Variants in WDR3 observed in about 807,000 individuals in gnomAD.
The protein encoded by WDR3 is WD repeat-containing protein 3.
WDR3 carries 81 observed loss-of-function variants against 123.7 expected under a neutral mutation model. That is an observed-to-expected ratio of 0.65 (90% CI 0.55 to 0.79). The LOEUF (loss-of-function observed/expected upper bound fraction) is 0.79, where lower values mean the gene tolerates loss of function less well. Among genes scored for constraint, WDR3 ranks in the 30% least tolerant of loss-of-function variants. The pLI, the probability that WDR3 is intolerant of heterozygous loss-of-function variation, is 0.00. For missense variants in WDR3, 1,027 were observed against 1,123.2 expected (o/e 0.91, Z 1.22); for synonymous variants, 390 against 388.8 (o/e 1.00, Z -0.04).
rs770822599 is a variant in WDR3, at chr1:117,950,150, G to A, written c.1746+20G>A. ...TTAAAGGTACAGTGGTTATGCCTGC[G>A]GATATTTTCCCTTTCTGACTGACTG... is the stretch of plus-strand genomic sequence containing the variant. On this transcript the variant is annotated intron_variant, in intron 15 of 26. Coordinates refer to ENST00000349139, the MANE Select transcript of WDR3 (RefSeq NM_006784.3). The A allele has an allele frequency of 3.4e-5, 55 of 1,611,070 alleles. No homozygotes were observed. The highest frequency in any genetic ancestry group is 2.2e-4 in the Admixed American group (13 of 59,664).
chr1:117,953,964 G>T (rs1446561016), intron 21 of WDR3, 43 bp from the exon 22 acceptor site: 1 of 1,514,750 alleles, frequency 6.6e-7, no homozygotes, highest in Non-Finnish European at 9.0e-7. Flanking sequence ...CTGGGATGAT[G>T]GAGTATGTTG....
chr1:117,944,290 C>T (rs1368829038), intron 11 of WDR3, among the ~76,000 whole-genome samples: 1 of 152,170 alleles, frequency 6.6e-6, no homozygotes, highest in Non-Finnish European at 1.5e-5. Context: ...CTTTGACTTT[C>T]ATTATTTCCC....
At position 117,949,768 on chromosome 1, in the gene WDR3, T is replaced by C. The variant is rs1300553682; in HGVS notation, c.1542T>C (p.Gly514=). 1 of 1,613,728 alleles carries C rather than the reference T, an allele frequency of 6.2e-7. No individual in the cohort carries two copies. Among genetic ancestry groups the C allele is most frequent in the Non-Finnish European group, 8.5e-7 (1 of 1,179,764 alleles). ...ATTTTCAGCGTGGCTTTGTGACAGGTGGTGCAGATAAATCTGTCAAATTCT... is the reference window on the plus strand; with the variant it reads ...ATTTTCAGCGTGGCTTTGTGACAGGCGGTGCAGATAAATCTGTCAAATTCT... ...LSPDQRGFVT[G]GADKSVKFWD... Residue 514 remains glycine, a synonymous_variant, in exon 14 of 27, where the codon GGT becomes GGC. Transcript: ENST00000349139.
intron 22 of WDR3, 38 bp from the exon 23 acceptor site, chr1:117,954,540 TCA>T: frequency 1.3e-6 from 2 of 1,597,274 alleles, no homozygotes; most frequent in South Asian, 2.2e-5. Flanking sequence ...TACCTAAGTC[TCA>T]GTTTTTTTAA....
Position 117,938,492 on chromosome 1 carries a change from C to T in WDR3, c.513C>T (p.Thr171=), listed in dbSNP as rs377447598. Residue 171 remains threonine, a synonymous_variant, in exon 5 of 27, where the codon ACC becomes ACT. Coordinates refer to ENST00000349139, the MANE Select transcript of WDR3 (RefSeq NM_006784.3). ...TTTCTTCTTTTAGTGGGAAAGATAC[C>T]ATGGTGAAATGGTGGGACCTTGATA... The part of the protein sequence containing the change: ...KNLLVTSGKD[T]MVKWWDLDTQ... 7 of 1,612,564 alleles carry T rather than the reference C, an allele frequency of 4.3e-6. No individual in the cohort carries two copies. The highest frequency in any genetic ancestry group is 5.9e-6 in the Non-Finnish European group (7 of 1,179,148).
At chr1:117,948,591 G>T (rs1651493868) in intron 13 of WDR3, 85 bp downstream of exon 13, 1 of 806,666 alleles carries the variant, frequency 1.2e-6, no homozygotes, top group Non-Finnish European at 1.8e-6. Flanking sequence ...GAAAGCCTGA[G>T]GTTTTTTTTT....
At position 117,952,597 on chromosome 1, in the gene WDR3, G is replaced by C; in HGVS notation, c.2086G>C (p.Asp696His). ...SGDYVVSSSH[D>H]KSLRLWERTR... Reference sequence around the variant, plus strand: ...AGACTATGTTGTATCATCGTCCCATGACAAATCTCTGAGACTTTGGGAGAG... The same window carrying C: ...AGACTATGTTGTATCATCGTCCCATCACAAATCTCTGAGACTTTGGGAGAG... Residue 696 changes from aspartate (D) to histidine (H), a missense_variant, in exon 19 of 27, where the codon GAC (aspartate) becomes CAC (histidine). Coordinates refer to ENST00000349139, the MANE Select transcript of WDR3 (RefSeq NM_006784.3). The C allele has an allele frequency of 6.2e-7, 1 of 1,613,624 alleles. No individual in the cohort carries two copies. The highest frequency in any genetic ancestry group is 8.5e-7 in the Non-Finnish European group (1 of 1,179,660).
At chr1:117,947,098 C>G (rs1651436933) in intron 12 of WDR3, among the ~76,000 whole-genome samples, 1 of 152,092 alleles carries the variant, frequency 6.6e-6, no homozygotes, top group South Asian at 2.1e-4. Context: ...AGCTATGTGA[C>G]CTTAACCCTG....
rs1651207914 is a variant in WDR3, at chr1:117,942,532, C to T, written c.1085C>T (p.Ser362Phe). The stretch of plus-strand genomic sequence containing the variant: ...CAGCGGGTGACTAATATAAAAACTT[C>T]TGCCAAAATCAAGTGAGTAAAAATA... Reference protein sequence around the residue: ...EIQRVTNIKTSAKIKSFDLIH... With the variant: ...EIQRVTNIKTFAKIKSFDLIH... The change falls in exon 10 of 27, where the codon TCT becomes TTT. Residue 362 changes from serine (S) to phenylalanine (F), a missense_variant. Ser to Phe is a radical substitution (Grantham distance 155). Transcript: ENST00000349139. The T allele has an allele frequency of 6.2e-7, 1 of 1,613,408 alleles. No individual in the cohort carries two copies. The highest frequency in any genetic ancestry group is 8.5e-7 in the Non-Finnish European group (1 of 1,179,640).
At chr1:117,951,877 T>G in intron 16 of WDR3, 99 bp from the exon 17 acceptor site, 2 of 1,147,754 alleles carry the variant, frequency 1.7e-6, no homozygotes, top group Non-Finnish European at 2.5e-6. Flanking sequence ...GGCTTCATTT[T>G]AATGTGTTTG....
chr1:117,959,597 G>A lies in WDR3; in HGVS notation c.*150G>A. 1.2e-6 allele frequency: 1 copy of A among 804,494 alleles called. No individual in the cohort carries two copies. The highest frequency in any genetic ancestry group is 1.8e-6 in the Non-Finnish European group (1 of 558,318). The allele number at this position is 804,494 out of a possible 1,614,324, so 49.8% of individuals were successfully genotyped here. ...CAGGATGTGGTTTCCAGCTTTGCCT[G>A]AGGGAATTCCAACATGAGATTATGG... On this transcript the variant is annotated 3_prime_UTR_variant, in exon 27 of 27. Coordinates refer to ENST00000349139, the MANE Select transcript of WDR3 (RefSeq NM_006784.3).
chr1:117,961,705 AAC>A lies in WDR3; in HGVS notation c.*2262_*2263del, dbSNP rs1256935477. On this transcript the variant is annotated 3_prime_UTR_variant, in exon 27 of 27. Transcript: ENST00000349139. ...CACAAGTCTTAATGTTCTTGAGCATAACACAATCACTGAAGTGAGTAAGGGAT... is the reference window on the plus strand; with the variant it reads ...CACAAGTCTTAATGTTCTTGAGCATAACAATCACTGAAGTGAGTAAGGGAT... 2.0e-5 allele frequency: 3 copies of A among 152,170 alleles called. No homozygotes were observed. Among genetic ancestry groups the A allele is most frequent in the African/African-American group, 7.2e-5 (3 of 41,430 alleles). 9.4% of individuals were successfully genotyped at this position (152,170 alleles called of 1,614,324 possible).
chr1:117,939,347 C>T (rs1651060545), intron 5 of WDR3, 130 bp from the exon 6 acceptor site: 15 of 864,306 alleles, frequency 1.7e-5, no homozygotes, highest in South Asian at 1.3e-4. Context: ...AAAGGGTTGT[C>T]GATATGCCTT....
intron 11 of WDR3, among the ~76,000 whole-genome samples, chr1:117,945,097 T>G (rs112258771): frequency 8.5e-5 from 13 of 152,314 alleles, no homozygotes; most frequent in African/African-American, 3.1e-4. Context: ...CCACCTGCAC[T>G]GCCACTACCC....
Position 117,941,773 on chromosome 1 carries a change from G to C in WDR3, c.915G>C (p.Leu305Phe). Residue 305 changes from leucine to phenylalanine, a missense_variant, in exon 9 of 27, where the codon TTG becomes TTC. Leu to Phe is a conservative substitution (Grantham distance 22). Coordinates refer to ENST00000349139, the MANE Select transcript of WDR3 (RefSeq NM_006784.3). ...ACHGTDSVLE[L>F]FCILSKKEIQ... ...AGGGAACTGACTCTGTGCTAGAATT[G>C]TTTTGTATCCTTTCCAAAAAGGAAA... is the stretch of plus-strand genomic sequence containing the variant. 1 of 1,611,384 alleles carries C rather than the reference G, an allele frequency of 6.2e-7. No homozygotes were observed. The highest frequency in any genetic ancestry group is 1.1e-5 in the South Asian group (1 of 90,332).
Position 117,939,377 on chromosome 1 carries a change from T to TAA in WDR3, c.580-99_580-98insAA, listed in dbSNP as rs113298843. On this transcript the variant is annotated intron_variant, in intron 5 of 26. Coordinates refer to ENST00000349139, the MANE Select transcript of WDR3 (RefSeq NM_006784.3). ...TGCCTTTTCTTTGCCTTTAAATTGCTAGACATTTTACTACGGTGTAACAGA... is the reference window on the plus strand; with the variant it reads ...TGCCTTTTCTTTGCCTTTAAATTGCTAAAGACATTTTACTACGGTGTAACAGA... 4.9e-5 allele frequency: 61 copies of TAA among 1,240,876 alleles called. No individual in the cohort carries two copies. The African/African-American group carries it at 5.2e-4, about 11-fold the overall frequency. 76.9% of individuals were successfully genotyped at this position (1,240,876 alleles called of 1,614,324 possible).
In WDR3 at chr1:117,951,927, T is replaced by A. The variant is rs1314685099; in HGVS notation, c.1804-49T>A. 3 of 1,522,722 alleles carry A rather than the reference T, an allele frequency of 2.0e-6. No individual in the cohort carries two copies. The African/African-American group carries it at 4.2e-5, about 21-fold the overall frequency. 94.3% of individuals were successfully genotyped at this position (1,522,722 alleles called of 1,614,324 possible). On this transcript the variant is annotated intron_variant, in intron 16 of 26. Coordinates refer to ENST00000349139, the MANE Select transcript of WDR3 (RefSeq NM_006784.3). ...AATATTCTGGTTAGCTTTTTATTCA[T>A]ATACGGAATTCAAAAATCAAGGTAG...
At chr1:117,952,905 GT>G (rs757595376) in intron 19 of WDR3, 40 bp from the exon 20 acceptor site, 7 of 1,606,652 alleles carry the variant, frequency 4.4e-6, no homozygotes, top group Non-Finnish European at 6.0e-6. Flanking sequence ...TAGAGACCAT[GT>G]TTTTTTCTCT....
In WDR3 at chr1:117,948,501, G is replaced by C. The variant is rs1004677906; in HGVS notation, c.1519G>C (p.Asp507His). Reference protein sequence around the residue: ...GALWSMSLSPDQRGFVTGGAD... With the variant: ...GALWSMSLSPHQRGFVTGGAD... Reference sequence around the variant, plus strand: ...TTTGTGGTCCATGTCCCTCTCTCCAGATCAGGTAACTAAACCAGATTTTAA... The same window carrying C: ...TTTGTGGTCCATGTCCCTCTCTCCACATCAGGTAACTAAACCAGATTTTAA... Residue 507 changes from aspartate to histidine, a missense_variant, in exon 13 of 27, where the codon GAT becomes CAT. Physicochemically the swap from Asp to His is moderately conservative, Grantham distance 81. Transcript: ENST00000349139. 1.7e-5 allele frequency: 28 copies of C among 1,612,328 alleles called. No individual in the cohort carries two copies. Among genetic ancestry groups the C allele is most frequent in the Non-Finnish European group, 2.0e-5 (23 of 1,179,132 alleles).
Sources: allele counts gnomAD v4.1 joint callset (sites outside exome capture counted in the v4.1 genomes callset), GRCh38; gene constraint gnomAD v4.1.1; transcripts MANE v1.5; gene names NCBI Gene and HGNC (gene_info 2026-07-23, HGNC 2026-07-21).